The following EBF1 variants were observed in gnomAD, a reference collection of about 807,000 sequenced individuals.
EBF1 encodes transcription factor COE1.
EBF1 carries 10 observed loss-of-function variants against 68.4 expected under a neutral mutation model. The observed-to-expected ratio is 0.15, with a 90% CI of 0.09 to 0.25. The LOEUF (loss-of-function observed/expected upper bound fraction) is 0.25. EBF1 is among the 10% of genes least tolerant of loss of function. The pLI is 1.00. For missense variants in EBF1, 509 were observed against 794.4 expected, an observed-to-expected ratio of 0.64 and a Z score of 4.32; for synonymous variants, 298 against 299.8, an observed-to-expected ratio of 0.99 and a Z score of 0.06.
chr5:158,978,835 C>CAGAGAGAGAG (rs70987945), intron 6 of EBF1, among the ~76,000 whole-genome samples: 49 of 147,042 alleles, frequency 3.3e-4, no homozygotes, highest in African/African-American at 1.1e-3. Flanking sequence ...CACACACACA[C>CAGAGAGAGAG]AGAGAGAGAG....
intron 15 of EBF1, among the ~76,000 whole-genome samples, chr5:158,700,736 T>A (rs1192077271): frequency 1.3e-5 from 2 of 151,496 alleles, no homozygotes; most frequent in African/African-American, 4.8e-5. Flanking sequence ...TCAATCCACA[T>A]GTTTCTGATT....
chr5:158,717,865 A>G (rs961251610), intron 11 of EBF1, among the ~76,000 whole-genome samples: 3 of 152,168 alleles, frequency 2.0e-5, no homozygotes, highest in African/African-American at 7.2e-5. Context: ...CTCACTATCA[A>G]AACGTGGCTT....
chr5:158,725,621 T>C (rs1762830509), intron 11 of EBF1, among the ~76,000 whole-genome samples: 1 of 152,232 alleles, frequency 6.6e-6, no homozygotes. Flanking sequence ...GCAGTTAAAA[T>C]GAATGCAGTT....
chr5:158,822,006 G>A (rs538270426), intron 8 of EBF1, among the ~76,000 whole-genome samples: 31 of 152,128 alleles, frequency 2.0e-4, no homozygotes, highest in Non-Finnish European at 3.2e-4. Flanking sequence ...TGAGAGTGGC[G>A]TGTTTATTAA....
intron 10 of EBF1, among the ~76,000 whole-genome samples, chr5:158,759,491 G>A (rs1770910664): frequency 6.6e-6 from 1 of 152,146 alleles, no homozygotes; most frequent in Admixed American, 6.5e-5. Flanking sequence ...ATCACAGAGT[G>A]GCTGGGGGAT....
At chr5:158,881,680 C>T (rs1798937422) in intron 6 of EBF1, among the ~76,000 whole-genome samples, 1 of 152,162 alleles carries the variant, frequency 6.6e-6, no homozygotes, top group African/African-American at 2.4e-5. Flanking sequence ...GGGATATGGG[C>T]TAAATAGCAC....
chr5:158,888,211 A>T (rs1425781267), intron 6 of EBF1, among the ~76,000 whole-genome samples: 1 of 152,164 alleles, frequency 6.6e-6, no homozygotes, highest in Non-Finnish European at 1.5e-5. Flanking sequence ...CTAGTTGGTG[A>T]AGAAATGAAA....
intron 6 of EBF1, among the ~76,000 whole-genome samples, chr5:158,943,919 C>A (rs1424953466): frequency 6.6e-6 from 1 of 152,190 alleles, no homozygotes; most frequent in Non-Finnish European, 1.5e-5. Flanking sequence ...GCCAGACCCT[C>A]TTGTGCAGGG....
intron 5 of EBF1, among the ~76,000 whole-genome samples, chr5:159,076,817 C>T (rs1037279491): frequency 1.3e-5 from 2 of 152,142 alleles, no homozygotes; most frequent in African/African-American, 4.8e-5. Context: ...TATACACACA[C>T]ACATACATAT....
At chr5:159,032,607 A>G (rs1027212490) in intron 6 of EBF1, among the ~76,000 whole-genome samples, 1 of 152,226 alleles carries the variant, frequency 6.6e-6, no homozygotes, top group Non-Finnish European at 1.5e-5. Context: ...GGGTTACATT[A>G]TAGAAGAATT....
intron 6 of EBF1, among the ~76,000 whole-genome samples, chr5:158,853,133 C>A (rs1793297850): frequency 6.6e-6 from 1 of 152,224 alleles, no homozygotes; most frequent in Non-Finnish European, 1.5e-5. Context: ...GAATTGACTG[C>A]CAGAATCCTT....
chr5:158,928,549 C>A (rs547418926), intron 6 of EBF1, among the ~76,000 whole-genome samples: 35 of 152,208 alleles, frequency 2.3e-4, no homozygotes, highest in Non-Finnish European at 3.7e-4. Flanking sequence ...AGCTGGAAAG[C>A]ACATCCATAC....
At chr5:159,021,987 G>A (rs1561815358) in intron 6 of EBF1, among the ~76,000 whole-genome samples, 1 of 146,874 alleles carries the variant, frequency 6.8e-6, no homozygotes. Context: ...ATACACTCGA[G>A]TGTTGCAATA....
intron 6 of EBF1, among the ~76,000 whole-genome samples, chr5:158,945,531 A>G (rs1161372195): frequency 6.6e-6 from 1 of 152,228 alleles, no homozygotes; most frequent in African/African-American, 2.4e-5. Context: ...GGGTTTCTGC[A>G]GAGAGATCTG....
chr5:158,916,247 A>G (rs1807172957), intron 6 of EBF1, among the ~76,000 whole-genome samples: 1 of 152,180 alleles, frequency 6.6e-6, no homozygotes, highest in Non-Finnish European at 1.5e-5. Flanking sequence ...TGACCCTGTC[A>G]TGGATATCTC....
intron 8 of EBF1, among the ~76,000 whole-genome samples, chr5:158,799,785 G>T (rs1472326865): frequency 6.6e-6 from 1 of 152,174 alleles, no homozygotes; most frequent in Non-Finnish European, 1.5e-5. Flanking sequence ...CCATAAAAAT[G>T]CAGGCCTAGC....
chr5:158,736,842 AAG>A (rs1463207974), intron 10 of EBF1, among the ~76,000 whole-genome samples: 1 of 152,258 alleles, frequency 6.6e-6, no homozygotes, highest in Non-Finnish European at 1.5e-5. Context: ...ATCTATCTTT[AAG>A]ACTGAGTTTA....
In EBF1 at chr5:159,042,091, C is replaced by A. The variant is rs774615644; in HGVS notation, c.554+31305G>T. Among the ~76,000 whole-genome samples the A allele has an allele frequency of 4.0e-4, 61 of 152,312 alleles. No individual in the cohort carries two copies. In the Middle Eastern group the frequency reaches 0.02, roughly 51 times the overall value. On this transcript the variant is annotated intron_variant, in intron 6 of 15. Coordinates refer to ENST00000313708, the MANE Select transcript of EBF1 (RefSeq NM_024007.5). ...AAACTGCTGTGTAATTGGAAGGGAA[C>A]TTTTTCCCATGCAAAAAAGCTTGCT...
chr5:158,988,698 C>T (rs912210596), intron 6 of EBF1, among the ~76,000 whole-genome samples: 7 of 152,170 alleles, frequency 4.6e-5, no homozygotes, highest in South Asian at 2.1e-4. Flanking sequence ...GTCTGCTTCC[C>T]GAACTTATCA....
Sources: allele counts gnomAD v4.1 joint callset (sites outside exome capture counted in the v4.1 genomes callset), GRCh38; gene constraint gnomAD v4.1.1; transcripts MANE v1.5; gene names NCBI Gene and HGNC (gene_info 2026-07-23, HGNC 2026-07-21).